DHRS7: variants seen among roughly 807,000 people sequenced by gnomAD.
The protein encoded by DHRS7 is dehydrogenase/reductase SDR family member 7.
Under a neutral mutation model 38.9 loss-of-function variants are expected in DHRS7, and 34 were observed. The ratio of observed to expected loss-of-function variants is 0.87; its 90% CI spans 0.66 to 1.16. The LOEUF is 1.16. Among genes scored for constraint, DHRS7 ranks in the 50% most tolerant of loss-of-function variants. The probability of loss-of-function intolerance (pLI) is 0.00; values close to 1 mark genes in which losing one functional copy is unlikely to be tolerated. For missense variants in DHRS7, 421 were observed against 407.0 expected, an observed-to-expected ratio of 1.03 and a Z score of -0.30; for synonymous variants, 158 against 153.1, an observed-to-expected ratio of 1.03 and a Z score of -0.24.
chr14:60,166,105 G>T, upstream of DHRS7: 2 of 481,572 alleles, frequency 4.2e-6, no homozygotes, highest in Non-Finnish European at 5.4e-6. Context: ...CCAAGGTCTT[G>T]CCTACTCTAA....
At chr14:60,156,552 C>T (rs1342915963) in intron 1 of DHRS7, among the ~76,000 whole-genome samples, 1 of 152,172 alleles carries the variant, frequency 6.6e-6, no homozygotes, top group Non-Finnish European at 1.5e-5. Context: ...TTTCCTTAGC[C>T]ATTAAATGAG....
chr14:60,168,646 T>G (rs752548629), upstream of DHRS7: 79 of 1,511,264 alleles, frequency 5.2e-5, 3 homozygotes, highest in South Asian at 9.5e-4. Flanking sequence ...ATTCTAAAAC[T>G]GATCAATGCT....
intron 1 of DHRS7, among the ~76,000 whole-genome samples, chr14:60,156,926 T>C (rs1196997081): frequency 6.6e-6 from 1 of 152,246 alleles, no homozygotes; most frequent in Non-Finnish European, 1.5e-5. Flanking sequence ...AAATGGTTTA[T>C]TCTTTTCTCC....
intron 1 of DHRS7, among the ~76,000 whole-genome samples, chr14:60,163,145 G>T (rs897424892): frequency 6.6e-6 from 1 of 151,596 alleles, no homozygotes; most frequent in Admixed American, 6.6e-5. Flanking sequence ...ACTCCAGCCT[G>T]GCCAACAGAG....
intron 1 of DHRS7, among the ~76,000 whole-genome samples, chr14:60,163,712 T>C (rs908949081): frequency 6.6e-6 from 1 of 152,238 alleles, no homozygotes; most frequent in Non-Finnish European, 1.5e-5. Context: ...TTCATTCAGA[T>C]GTTGTCAATA....
At chr14:60,151,533 A>AC (rs141882359) in intron 4 of DHRS7, among the ~76,000 whole-genome samples, 3,749 of 147,310 alleles carry the variant, frequency 0.025, 87 homozygotes, top group African/African-American at 0.072. Context: ...TCAGAGATGA[A>AC]CCCAAAAAAA....
At chr14:60,165,972 A>C (rs764212916), upstream of DHRS7, among the ~76,000 whole-genome samples, 1 of 152,200 alleles carries the variant, frequency 6.6e-6, no homozygotes, top group Non-Finnish European at 1.5e-5. This position sits in a 1 kb window ranked among gnomAD's most constrained non-coding sequence, Gnocchi z 4.6. Context: ...ACCACACACA[A>C]ATTTACTCTG....
chr14:60,168,719 G>A (rs1256041732), upstream of DHRS7: 4 of 1,564,748 alleles, frequency 2.6e-6, no homozygotes, highest in African/African-American at 1.4e-5. Context: ...GATAAGCAGA[G>A]TGAACAGAAA....
At chr14:60,152,538 A>T (rs778856854) in intron 4 of DHRS7, among the ~76,000 whole-genome samples, 2 of 152,198 alleles carry the variant, frequency 1.3e-5, no homozygotes, top group Non-Finnish European at 2.9e-5. Flanking sequence ...GGGAGGAAAA[A>T]GTACATCCTG....
At chr14:60,155,225 G>T (rs1896633163) in intron 2 of DHRS7, among the ~76,000 whole-genome samples, 1 of 152,198 alleles carries the variant, frequency 6.6e-6, no homozygotes, top group Non-Finnish European at 1.5e-5. Context: ...GAGGCAGGCA[G>T]ATCACCTGAG....
At position 60,150,189 on chromosome 14, in the gene DHRS7, T is replaced by G; in HGVS notation, c.634-2A>C. 1 of 1,215,844 alleles carries G rather than the reference T, an allele frequency of 8.2e-7. No individual in the cohort carries two copies. Among genetic ancestry groups the G allele is most frequent in the Non-Finnish European group, 1.0e-6 (1 of 981,232 alleles). 75.3% of individuals were successfully genotyped at this position (1,215,844 alleles called of 1,614,324 possible). ...TGTTCGAAGGCCATTAAAAAAACCCTAACAGACAAAAAAAAAAAAAAAGGA... is the reference window on the plus strand; with the variant it reads ...TGTTCGAAGGCCATTAAAAAAACCCGAACAGACAAAAAAAAAAAAAAAGGA... On this transcript the variant is annotated splice_acceptor_variant, in intron 4 of 6. Coordinates refer to ENST00000557185, the MANE Select transcript of DHRS7 (RefSeq NM_016029.4). LOFTEE classifies it high-confidence loss of function.
At position 60,149,564 on chromosome 14, in the gene DHRS7, A is replaced by G. The variant is rs757586687; in HGVS notation, c.761T>C (p.Ile254Thr). The G allele has an allele frequency of 6.7e-5, 107 of 1,595,644 alleles. 1 individual carries two copies. Among genetic ancestry groups the G allele is most frequent in the Non-Finnish European group, 9.0e-5 (106 of 1,171,684 alleles). The change falls in exon 6 of 7, where the codon ATA (isoleucine) becomes ACA (threonine). Residue 254 changes from isoleucine to threonine, a missense_variant. Transcript: ENST00000557185. The stretch of plus-strand genomic sequence containing the variant: ...GTGGGACTGGTCTCCATTATTGCCT[A>G]TAGTCTAAGAAAAGTTAAAAATTAA... Reference protein sequence around the residue: ...NSLAGEVTKTIGNNGDQSHKM... With the variant: ...NSLAGEVTKTTGNNGDQSHKM...
At chr14:60,158,540 A>T (rs748702078) in intron 1 of DHRS7, among the ~76,000 whole-genome samples, 2 of 151,702 alleles carry the variant, frequency 1.3e-5, no homozygotes, top group Non-Finnish European at 3.0e-5. Flanking sequence ...TTACACACAT[A>T]AGCAAATATT....
chr14:60,158,123 C>T (rs1896693846), intron 1 of DHRS7, among the ~76,000 whole-genome samples: 1 of 151,078 alleles, frequency 6.6e-6, no homozygotes. Context: ...ACCCCAACTA[C>T]TCAGGAGGCT....
At position 60,162,404 on chromosome 14, in the gene DHRS7, A is replaced by G. The variant is rs1311592800; in HGVS notation, c.133+2773T>C. Among the ~76,000 whole-genome samples, 1 of 151,858 alleles carries G rather than the reference A, an allele frequency of 6.6e-6. No homozygotes were observed. Among genetic ancestry groups the G allele is most frequent in the Non-Finnish European group, 1.5e-5 (1 of 67,992 alleles). On this transcript the variant is annotated intron_variant, in intron 1 of 6. Coordinates refer to ENST00000557185, the MANE Select transcript of DHRS7 (RefSeq NM_016029.4). The surrounding 1 kb of genome is among the most constrained non-coding windows in gnomAD (Gnocchi z 4.5). ...AAAAAAAAAAAAAAATCACCATGTG[A>G]GATATATGCTTGGAAATGCACAGAA... is the stretch of plus-strand genomic sequence containing the variant.
chr14:60,160,997 G>A (rs914818374), intron 1 of DHRS7, among the ~76,000 whole-genome samples: 2 of 152,156 alleles, frequency 1.3e-5, no homozygotes, highest in African/African-American at 4.8e-5. Flanking sequence ...AATTCCTTAA[G>A]AATGTATTAG....
chr14:60,152,896 C>A (rs1896574218), intron 4 of DHRS7, 43 bp downstream of exon 4: 1 of 1,610,520 alleles, frequency 6.2e-7, no homozygotes, highest in East Asian at 2.2e-5. Context: ...CCCATATACA[C>A]ATTTAAGTCA....
In DHRS7 at chr14:60,161,396, G is replaced by T; in HGVS notation, c.133+3781C>A. Among the ~76,000 whole-genome samples, 1 of 152,088 alleles carries T rather than the reference G, an allele frequency of 6.6e-6. No homozygotes were observed. The highest frequency in any genetic ancestry group is 2.1e-4 in the South Asian group (1 of 4,822). ...GACATTTAAATTGTGTTGCAATTCT[G>T]CTTTCTTGTTTTACAAAAAGCTGTT... On this transcript the variant is annotated intron_variant, in intron 1 of 6. Coordinates refer to ENST00000557185, the MANE Select transcript of DHRS7 (RefSeq NM_016029.4). This position sits in a 1 kb window ranked among gnomAD's most constrained non-coding sequence, Gnocchi z 4.2.
chr14:60,156,019 C>T lies in DHRS7; in HGVS notation c.267G>A (p.Arg89=). The T allele has an allele frequency of 6.3e-7, 1 of 1,577,368 alleles. No homozygotes were observed. Among genetic ancestry groups the T allele is most frequent in the Non-Finnish European group, 8.6e-7 (1 of 1,162,988 alleles). The change falls in exon 2 of 7, where the codon AGG becomes AGA. Residue 89 remains arginine, a synonymous_variant. Transcript: ENST00000557185. ...GCTTACCTAGGCATCTTCTTTTCAC[C>T]CTTTCCAGCTCATGCACTCTTCTGG... The part of the protein sequence containing the change: ...LSARRVHELE[R]VKRRCLENGN...
Sources: gnomAD v4.1 joint callset for allele counts (sites outside exome capture counted in the v4.1 genomes callset) on GRCh38, gnomAD v4.1.1 for gene constraint, Gnocchi (gnomAD v3.1) non-coding constraint, MANE v1.5 for transcripts, NCBI Gene and HGNC (gene_info 2026-07-23, HGNC 2026-07-21) for gene names.